The following DAB1 variants were observed in gnomAD, a reference collection of about 807,000 sequenced individuals.
The protein encoded by DAB1 is disabled homolog 1.
DAB1 carries 15 observed loss-of-function variants against 64.6 expected under a neutral mutation model. The ratio of observed to expected loss-of-function variants is 0.23; its 90% confidence interval spans 0.16 to 0.36. The LOEUF (loss-of-function observed/expected upper bound fraction) is 0.36. Ranked by LOEUF, DAB1 falls within the 10% of genes least tolerant of loss-of-function variation. The pLI is 1.00. For missense variants in DAB1, 596 were observed against 706.7 expected, an observed-to-expected ratio of 0.84 and a Z score of 1.78; for synonymous variants, 235 against 251.9, an observed-to-expected ratio of 0.93 and a Z score of 0.64.
At chr1:57,048,741 A>G (rs1251237979) in intron 9 of DAB1, among the ~76,000 whole-genome samples, 2 of 152,202 alleles carry the variant, frequency 1.3e-5, no homozygotes, top group African/African-American at 4.8e-5. Flanking sequence ...TCATCTGTTT[A>G]TATAGCAGGA....
At chr1:58,335,671 G>A (rs150743420) in intron 4 of DAB1, among the ~76,000 whole-genome samples, 1 of 152,286 alleles carries the variant, frequency 6.6e-6, no homozygotes, top group African/African-American at 2.4e-5. Context: ...GAAGTGGAAA[G>A]GGGATTGGTG....
chr1:57,412,110 T>C (rs1684160758), intron 1 of DAB1, among the ~76,000 whole-genome samples: 1 of 152,228 alleles, frequency 6.6e-6, no homozygotes, highest in African/African-American at 2.4e-5. Flanking sequence ...ATGAAACTAC[T>C]GTAATTGCTT....
chr1:57,453,727 T>C (rs1206653243), intron 7 of DAB1, among the ~76,000 whole-genome samples: 1 of 152,342 alleles, frequency 6.6e-6, no homozygotes, highest in East Asian at 1.9e-4. Context: ...TCACATTGTA[T>C]ATGAATTTTG....
At chr1:58,211,672 T>C (rs1184004991) in intron 4 of DAB1, among the ~76,000 whole-genome samples, 1 of 152,194 alleles carries the variant, frequency 6.6e-6, no homozygotes, top group South Asian at 2.1e-4. Context: ...GAAAATATTC[T>C]CAAAGTGCTT....
At chr1:58,394,454 G>A (rs999921356) in intron 3 of DAB1, among the ~76,000 whole-genome samples, 19 of 152,090 alleles carry the variant, frequency 1.2e-4, no homozygotes, top group African/African-American at 4.3e-4. Context: ...GCCAAAAAGT[G>A]GAAACAATCC....
chr1:57,428,210 A>G (rs1570507908), upstream of DAB1, among the ~76,000 whole-genome samples: 1 of 152,170 alleles, frequency 6.6e-6, no homozygotes, highest in Admixed American at 6.5e-5. Flanking sequence ...TTTCAAGTAC[A>G]TAGTGCATAA....
chr1:57,131,576 C>T (rs1466725930), intron 4 of DAB1, among the ~76,000 whole-genome samples: 1 of 152,196 alleles, frequency 6.6e-6, no homozygotes, highest in African/African-American at 2.4e-5. Flanking sequence ...CCTTTCTCAA[C>T]CTCAGTTGCT....
chr1:57,821,549 GACAACCCAAA>G (rs1652121968), downstream of DAB1, among the ~76,000 whole-genome samples: 1 of 152,192 alleles, frequency 6.6e-6, no homozygotes, highest in Non-Finnish European at 1.5e-5. Context: ...GGGAGCCATA[GACAACCCAAA>G]GGAACAGATT....
At chr1:58,405,088 C>T (rs538467127) in intron 3 of DAB1, among the ~76,000 whole-genome samples, 1 of 152,180 alleles carries the variant, frequency 6.6e-6, no homozygotes. Context: ...CGCCACCTCC[C>T]TCTCTCCACT....
chr1:58,155,302 T>C (rs1362037158), intron 4 of DAB1, among the ~76,000 whole-genome samples: 1 of 152,178 alleles, frequency 6.6e-6, no homozygotes, highest in Non-Finnish European at 1.5e-5. Context: ...CCAGGGAACA[T>C]CTGGCAATGT....
chr1:57,307,359 G>A (rs1447882152), intron 1 of DAB1: 1 of 152,240 alleles, frequency 6.6e-6, no homozygotes, highest in Non-Finnish European at 1.5e-5. Context: ...ACCTTAATTA[G>A]ATTATCAGCC....
At chr1:57,928,800 C>T (rs977072417) in intron 5 of DAB1, among the ~76,000 whole-genome samples, 1 of 152,088 alleles carries the variant, frequency 6.6e-6, no homozygotes, top group Non-Finnish European at 1.5e-5. Flanking sequence ...TTTGTTAACA[C>T]CAAATAATAT....
chr1:58,260,160 G>C (rs982779955), intron 4 of DAB1, among the ~76,000 whole-genome samples: 1 of 152,144 alleles, frequency 6.6e-6, no homozygotes, highest in Non-Finnish European at 1.5e-5. Context: ...ATGAGATTAT[G>C]TTCCCTGGGA....
At chr1:58,417,269 C>T (rs947541016) in intron 3 of DAB1, among the ~76,000 whole-genome samples, 1 of 152,210 alleles carries the variant, frequency 6.6e-6, no homozygotes, top group Non-Finnish European at 1.5e-5. Context: ...CATGAGAATA[C>T]TCACAGGCTC....
At chr1:57,932,468 A>ATTTTTTT (rs61202343) in intron 5 of DAB1, among the ~76,000 whole-genome samples, 4 of 143,506 alleles carry the variant, frequency 2.8e-5, no homozygotes, top group Non-Finnish European at 3.0e-5. Flanking sequence ...AGCCCAGCTA[A>ATTTTTTT]TTTTTTTTTT....
At chr1:57,049,314 G>T (rs1292095347) in intron 9 of DAB1, among the ~76,000 whole-genome samples, 1 of 151,560 alleles carries the variant, frequency 6.6e-6, no homozygotes, top group African/African-American at 2.4e-5. Context: ...AGCTGGGCAT[G>T]GTGGCGGGCA....
chr1:57,882,907 A>G (rs1644166606), intron 1 of DAB1, among the ~76,000 whole-genome samples: 1 of 152,212 alleles, frequency 6.6e-6, no homozygotes, highest in South Asian at 2.1e-4. Flanking sequence ...GGTACACCGA[A>G]CCCAGTTTTT....
chr1:58,208,102 G>A (rs1057496415), intron 4 of DAB1, among the ~76,000 whole-genome samples: 1 of 152,052 alleles, frequency 6.6e-6, no homozygotes, highest in Admixed American at 6.6e-5. Context: ...CACATGAACA[G>A]CATAGAGGTA....
intron 7 of DAB1, among the ~76,000 whole-genome samples, chr1:57,456,500 C>A: frequency 6.6e-6 from 1 of 152,136 alleles, no homozygotes; most frequent in South Asian, 2.1e-4. Context: ...GATAGATTTG[C>A]ATTTATACTC....
Sources: gnomAD v4.1 joint callset for allele counts (sites outside exome capture counted in the v4.1 genomes callset) on GRCh38, gnomAD v4.1.1 for gene constraint, MANE v1.5 for transcripts, NCBI Gene and HGNC (gene_info 2026-07-23, HGNC 2026-07-21) for gene names.